Variants in C18orf63 observed in about 807,000 individuals in gnomAD.
The protein encoded by C18orf63 is chromosome 18 open reading frame 63.
C18orf63 carries 50 observed loss-of-function variants against 75.3 expected under a neutral mutation model. The observed-to-expected ratio is 0.66, with a 90% confidence interval of 0.53 to 0.84. C18orf63 has a LOEUF of 0.84. Ranked by LOEUF, C18orf63 falls within the 40% of genes least tolerant of loss-of-function variation. The pLI, the probability that C18orf63 is intolerant of heterozygous loss-of-function variation, is 0.00. For synonymous variants in C18orf63, 232 were observed against 267.6 expected (o/e 0.87, Z 1.30); for missense variants, 732 against 800.2 (o/e 0.91, Z 1.03).
chr18:74,346,921 G>T (rs1263561312), intron 11 of C18orf63, among the ~76,000 whole-genome samples: 1 of 152,172 alleles, frequency 6.6e-6, no homozygotes, highest in Admixed American at 6.5e-5. Context: ...TTGCAGAAGA[G>T]GAGACCGAAG....
intron 3 of C18orf63, among the ~76,000 whole-genome samples, chr18:74,322,031 T>C (rs1337521298): frequency 6.6e-6 from 1 of 152,238 alleles, no homozygotes; most frequent in Non-Finnish European, 1.5e-5. Flanking sequence ...AGTGCACATC[T>C]GAGTCTGTGC....
intron 11 of C18orf63, among the ~76,000 whole-genome samples, chr18:74,345,312 C>G (rs1300506210): frequency 2.0e-5 from 3 of 151,692 alleles, no homozygotes; most frequent in African/African-American, 7.3e-5. Context: ...TATCTTCTTT[C>G]ATTCTATAAC....
chr18:74,342,126 C>T lies in C18orf63; in HGVS notation c.706C>T (p.Leu236=), dbSNP rs1984499001. The T allele has an allele frequency of 2.0e-6, 3 of 1,495,548 alleles. No individual in the cohort carries two copies. The highest frequency in any genetic ancestry group is 2.7e-6 in the Non-Finnish European group (3 of 1,110,812). 92.6% of individuals were successfully genotyped at this position (1,495,548 alleles called of 1,614,324 possible). A position where few individuals can be genotyped will look rare whatever the true frequency, so the allele number is the denominator to read the frequency against. The change falls in exon 9 of 14, where the codon CTG becomes TTG. Residue 236 remains leucine (L), a splice_region_variant and synonymous_variant. Transcript: ENST00000579455. The part of the protein sequence containing the change: ...YGDFQRHWDA[L]YGYKLPGDCG... ...AGATTTCCAGAGACACTGGGATGCC[C>T]TGGTAAGGAATGGAAATATATGTTA... is the stretch of plus-strand genomic sequence containing the variant.
chr18:74,341,225 C>A (rs1188171391), intron 8 of C18orf63, among the ~76,000 whole-genome samples: 1 of 126,010 alleles, frequency 7.9e-6, no homozygotes, highest in Non-Finnish European at 1.6e-5. Flanking sequence ...GAGCCGAGAT[C>A]CCGCCACTGC....
chr18:74,322,755 G>A lies in C18orf63; in HGVS notation c.270+1G>A. On this transcript the variant is annotated splice_donor_variant, in intron 4 of 13. Coordinates refer to ENST00000579455, the MANE Select transcript of C18orf63 (RefSeq NM_001174123.2). LOFTEE classifies it high-confidence loss of function. The stretch of plus-strand genomic sequence containing the variant: ...CTATGTTGAAAAATATGGAGCTAAG[G>A]TAAGTGTTAAAAAATGATATTAATA... 7.8e-7 allele frequency: 1 copy of A among 1,277,874 alleles called. No individual in the cohort carries two copies. The allele number at this position is 1,277,874 out of a possible 1,614,324, so 79.2% of individuals were successfully genotyped here. A position where few individuals can be genotyped will look rare whatever the true frequency, so the allele number is the denominator to read the frequency against.
intron 12 of C18orf63, 56 bp from the exon 13 acceptor site, chr18:74,354,401 G>A (rs1483367678): frequency 4.0e-6 from 5 of 1,248,370 alleles, no homozygotes; most frequent in Non-Finnish European, 4.4e-6. Context: ...ACCCTAGAGC[G>A]ACTGTAAGTC....
intron 7 of C18orf63, among the ~76,000 whole-genome samples, chr18:74,333,636 A>G (rs1198576515): frequency 2.6e-5 from 4 of 152,182 alleles, no homozygotes; most frequent in Non-Finnish European, 5.9e-5. Flanking sequence ...AACTGCCCCC[A>G]TGAGTAAATT....
chr18:74,358,782 T>G lies in C18orf63; in HGVS notation c.*2335T>G, dbSNP rs1359415962. Reference sequence around the variant, plus strand: ...TCAAAATAAATGCCAAGAATCATATTTCTAGGAATGCAAAAGTGCTTCTCA... The same window carrying G: ...TCAAAATAAATGCCAAGAATCATATGTCTAGGAATGCAAAAGTGCTTCTCA... On this transcript the variant is annotated 3_prime_UTR_variant, in exon 14 of 14. Coordinates refer to ENST00000579455, the MANE Select transcript of C18orf63 (RefSeq NM_001174123.2). The G allele has an allele frequency of 6.6e-6, 1 of 152,170 alleles. No individual in the cohort carries two copies. Among genetic ancestry groups the G allele is most frequent in the African/African-American group, 2.4e-5 (1 of 41,456 alleles). 9.4% of individuals were successfully genotyped at this position (152,170 alleles called of 1,614,324 possible). A position where few individuals can be genotyped will look rare whatever the true frequency, so the allele number is the denominator to read the frequency against.
chr18:74,337,865 A>C (rs1000713317), intron 7 of C18orf63, among the ~76,000 whole-genome samples: 29 of 152,160 alleles, frequency 1.9e-4, no homozygotes, highest in Non-Finnish European at 1.6e-4. Context: ...AGATGGGTCT[A>C]GATCCAGGCA....
At chr18:74,320,698 T>C in intron 3 of C18orf63, 107 bp downstream of exon 3, 18 of 644,086 alleles carry the variant, frequency 2.8e-5, no homozygotes, top group Non-Finnish European at 4.6e-5. Context: ...GAGGATTAAT[T>C]GATTAATCAC....
In C18orf63 at chr18:74,353,651, G is replaced by T; in HGVS notation, c.1384G>T (p.Asp462Tyr). The change falls in exon 12 of 14, where the codon GAT becomes TAT. Residue 462 changes from aspartate to tyrosine, a missense_variant. By Grantham distance (160) the Asp-to-Tyr change is radical (BLOSUM62 -3). Coordinates refer to ENST00000579455, the MANE Select transcript of C18orf63 (RefSeq NM_001174123.2). ...TGGCAGCCCAAAAAGAAAACAGCAT[G>T]ATGTGACACAATCTAAATTGTTTTC... ...VLGSPKRKQH[D>Y]VTQSKLFSLK... The T allele has an allele frequency of 6.5e-7, 1 of 1,536,136 alleles. No homozygotes were observed. Among genetic ancestry groups the T allele is most frequent in the African/African-American group, 1.4e-5 (1 of 73,152 alleles).
At chr18:74,316,718 G>C (rs990386898) in intron 1 of C18orf63, among the ~76,000 whole-genome samples, 16 of 152,186 alleles carry the variant, frequency 1.1e-4, no homozygotes, top group African/African-American at 3.4e-4. Context: ...CGCATCCGTA[G>C]ATCATAATAA....
rs181853153 is a variant in C18orf63 at position 74,338,451 on chromosome 18, A to C, written c.502-264A>C. On this transcript the variant is annotated intron_variant, in intron 7 of 13. Transcript: ENST00000579455. ...TAATTAAAAAAACCACCTGAAAACC[A>C]ACTAAAATCACTGCAAAATAGGAGT... 1.5e-3 allele frequency among the ~76,000 whole-genome samples: 234 copies of C among 152,258 alleles called. 1 individual carries two copies. Among genetic ancestry groups the C allele is most frequent in the Middle Eastern group, 6.8e-3 (2 of 294 alleles).
chr18:74,320,635 A>G lies in C18orf63; in HGVS notation c.213+44A>G, dbSNP rs1368018867. ...TGTGAAATGTTATTACTAGTTGAGA[A>G]CAATATTGATAAATAATAATTTAGG... On this transcript the variant is annotated intron_variant, in intron 3 of 13. Coordinates refer to ENST00000579455, the MANE Select transcript of C18orf63 (RefSeq NM_001174123.2). 1.5e-5 allele frequency: 17 copies of G among 1,127,740 alleles called. No individual in the cohort carries two copies. In the East Asian group the frequency reaches 4.4e-4, roughly 29 times the overall value. 69.9% of individuals were successfully genotyped at this position (1,127,740 alleles called of 1,614,324 possible).
chr18:74,335,552 T>C (rs1311214980), intron 7 of C18orf63, among the ~76,000 whole-genome samples: 1 of 152,130 alleles, frequency 6.6e-6, no homozygotes, highest in Non-Finnish European at 1.5e-5. Flanking sequence ...ATTTTACTGT[T>C]TGGTGCATTG....
At chr18:74,325,668 T>C (rs987793267) in intron 4 of C18orf63, among the ~76,000 whole-genome samples, 1 of 152,234 alleles carries the variant, frequency 6.6e-6, no homozygotes, top group African/African-American at 2.4e-5. Flanking sequence ...TCCTTGAAGT[T>C]CTATTCATAG....
chr18:74,355,286 G>A (rs932990215), intron 13 of C18orf63, among the ~76,000 whole-genome samples: 7 of 151,444 alleles, frequency 4.6e-5, no homozygotes, highest in African/African-American at 1.5e-4. Flanking sequence ...TCCTATATAC[G>A]TTATGATGTT....
intron 11 of C18orf63, among the ~76,000 whole-genome samples, chr18:74,349,334 A>C (rs1325907337): frequency 1.3e-5 from 2 of 152,170 alleles, no homozygotes; most frequent in Non-Finnish European, 2.9e-5. Flanking sequence ...GTGCAGAGAA[A>C]CCTTGCATAG....
At chr18:74,339,612 T>C (rs1475936722) in intron 8 of C18orf63, among the ~76,000 whole-genome samples, 1 of 152,180 alleles carries the variant, frequency 6.6e-6, no homozygotes, top group Non-Finnish European at 1.5e-5. Flanking sequence ...TCTCCACTTC[T>C]GTTCAACATA....
Sources: gnomAD v4.1 joint callset for allele counts (sites outside exome capture counted in the v4.1 genomes callset) on GRCh38, gnomAD v4.1.1 for gene constraint, MANE v1.5 for transcripts, NCBI Gene and HGNC (gene_info 2026-07-23, HGNC 2026-07-21) for gene names.